PKNOX2: variants seen among roughly 807,000 people sequenced by gnomAD.
PKNOX2 encodes homeobox protein PKNOX2.
In PKNOX2, 14 loss-of-function variants were observed where a neutral mutation model predicts 53.1. The ratio of observed to expected loss-of-function variants is 0.26; its 90% CI spans 0.17 to 0.41. PKNOX2 has a LOEUF of 0.41. PKNOX2 is among the 10% of genes least tolerant of loss of function. The pLI is 1.00. For synonymous variants in PKNOX2, 257 were observed against 242.8 expected (o/e 1.06, Z -0.54); for missense variants, 496 against 602.8 (o/e 0.82, Z 1.85).
intron 1 of PKNOX2, among the ~76,000 whole-genome samples, chr11:125,197,526 G>C (rs1329410070): frequency 6.6e-6 from 1 of 152,148 alleles, no homozygotes; most frequent in Non-Finnish European, 1.5e-5. Flanking sequence ...CTCTGCCCCG[G>C]TCTTCAGTAG....
At position 125,351,329 on chromosome 11, in the gene PKNOX2, C is replaced by G; in HGVS notation, c.24C>G (p.Ala8=). The stretch of plus-strand genomic sequence containing the variant: ...CCATGATGCAACATGCCTCCCCAGC[C>G]CCCGCTCTGACGATGATGGCCACGC... MMQHASP[A]PALTMMATQN... Residue 8 remains alanine, a synonymous_variant, in exon 4 of 13, where the codon GCC becomes GCG. Coordinates refer to ENST00000298282, the MANE Select transcript of PKNOX2 (RefSeq NM_001382323.2). 6.2e-7 allele frequency: 1 copy of G among 1,607,236 alleles called. No homozygotes were observed.
intron 9 of PKNOX2, 105 bp from the exon 10 acceptor site, chr11:125,411,641 C>T (rs753286091): frequency 2.5e-5 from 40 of 1,587,634 alleles, no homozygotes; most frequent in African/African-American, 9.4e-5. Context: ...AGGAATGAGC[C>T]GGGAAAGGGG....
chr11:125,281,060 G>A (rs1462525294), intron 2 of PKNOX2, among the ~76,000 whole-genome samples: 2 of 152,310 alleles, frequency 1.3e-5, no homozygotes, highest in East Asian at 3.9e-4. Context: ...ACACTCCAAA[G>A]ACAATCCAGA....
rs1951359725 is a variant in PKNOX2 at position 125,352,139 on chromosome 11, A to G, written c.87+747A>G. On this transcript the variant is annotated intron_variant, in intron 4 of 12. Transcript: ENST00000298282. The surrounding 1 kb of genome is among the most constrained non-coding windows in gnomAD (Gnocchi z 4.1). ...GGGGCTGCCCTCCTACATCCTTTAG[A>G]CCAGCCGCTTTTCCTTTTTGCTTCC... 6.6e-6 allele frequency among the ~76,000 whole-genome samples: 1 copy of G among 152,104 alleles called. No homozygotes were observed. Among genetic ancestry groups the G allele is most frequent in the African/African-American group, 2.4e-5 (1 of 41,418 alleles).
intron 6 of PKNOX2, among the ~76,000 whole-genome samples, chr11:125,389,196 A>AGAACAAAC (rs144093832): frequency 9.1e-4 from 138 of 151,486 alleles, no homozygotes; most frequent in African/African-American, 3.1e-3. Flanking sequence ...CTCCATTTCA[A>AGAACAAAC]AAACAAACAA....
intron 1 of PKNOX2, among the ~76,000 whole-genome samples, chr11:125,180,941 T>C (rs1956126468): frequency 2.0e-5 from 3 of 152,224 alleles, no homozygotes; most frequent in Admixed American, 2.0e-4. Context: ...CTGCCTAAGG[T>C]GGAGAATGCA....
At chr11:125,372,203 CAGCTCCGATTCGT>C (rs1274543411) in intron 5 of PKNOX2, among the ~76,000 whole-genome samples, 1 of 152,142 alleles carries the variant, frequency 6.6e-6, no homozygotes, top group East Asian at 1.9e-4. Flanking sequence ...GGAAGGGGAG[CAGCTCCGATTCGT>C]AGCATTTGCT....
chr11:125,410,056 C>T, intron 7 of PKNOX2, 140 bp from the exon 8 acceptor site: 7 of 1,176,668 alleles, frequency 5.9e-6, no homozygotes, highest in Non-Finnish European at 8.2e-6. Context: ...AGAGAGTTGC[C>T]TTCTGGACCT....
chr11:125,344,691 G>A (rs1280112423), intron 3 of PKNOX2, among the ~76,000 whole-genome samples: 4 of 152,192 alleles, frequency 2.6e-5, no homozygotes, highest in African/African-American at 7.2e-5. Flanking sequence ...CAAAGCGTCT[G>A]CTTGTCTTGG....
At chr11:125,255,606 C>A (rs1162389672) in intron 2 of PKNOX2, among the ~76,000 whole-genome samples, 1 of 151,966 alleles carries the variant, frequency 6.6e-6, no homozygotes, top group Admixed American at 6.6e-5. Context: ...GGGGATTGGA[C>A]AATCAACTAT....
intron 2 of PKNOX2, among the ~76,000 whole-genome samples, chr11:125,264,561 A>G (rs910757971): frequency 6.6e-6 from 1 of 152,024 alleles, no homozygotes; most frequent in Non-Finnish European, 1.5e-5. Context: ...TGGGAGGCGT[A>G]GAGCATTCTC....
At chr11:125,177,204 G>C (rs926551916) in intron 1 of PKNOX2, among the ~76,000 whole-genome samples, 1 of 152,166 alleles carries the variant, frequency 6.6e-6, no homozygotes, top group Non-Finnish European at 1.5e-5. Context: ...TGAGGACTTG[G>C]TGCAGTGACC....
At chr11:125,307,573 TAAC>T (rs1023614627) in intron 2 of PKNOX2, among the ~76,000 whole-genome samples, 6 of 151,908 alleles carry the variant, frequency 3.9e-5, no homozygotes, top group Non-Finnish European at 8.8e-5. Flanking sequence ...AAACAAACTA[TAAC>T]AACAACAACA....
intron 2 of PKNOX2, among the ~76,000 whole-genome samples, chr11:125,285,193 A>G (rs992256101): frequency 1.3e-5 from 2 of 152,082 alleles, no homozygotes; most frequent in Non-Finnish European, 2.9e-5. Flanking sequence ...GATTTGTCCA[A>G]TATCACAGAG....
At chr11:125,179,592 C>T (rs1394045681) in intron 1 of PKNOX2, among the ~76,000 whole-genome samples, 1 of 151,908 alleles carries the variant, frequency 6.6e-6, no homozygotes, top group African/African-American at 2.4e-5. Context: ...GCGGGTCAGG[C>T]GCGAGTCACT....
intron 1 of PKNOX2, among the ~76,000 whole-genome samples, chr11:125,203,811 C>T (rs1277650884): frequency 1.3e-5 from 2 of 152,104 alleles, no homozygotes; most frequent in African/African-American, 2.4e-5. Context: ...AGAGTGTGTC[C>T]ATGTGTGCCC....
chr11:125,176,070 G>C (rs1050750787), intron 1 of PKNOX2, among the ~76,000 whole-genome samples: 2 of 152,214 alleles, frequency 1.3e-5, no homozygotes, highest in African/African-American at 4.8e-5. Context: ...TGACTTCCTT[G>C]TGGCTGGGGC....
At chr11:125,410,966 A>G (rs1050210459) in intron 9 of PKNOX2, 90 bp downstream of exon 9, 29 of 1,041,390 alleles carry the variant, frequency 2.8e-5, no homozygotes, top group Non-Finnish European at 4.0e-5. Flanking sequence ...TACACGGGTG[A>G]CTCATTGAAT....
chr11:125,420,432 A>G (rs1956114577), intron 10 of PKNOX2, among the ~76,000 whole-genome samples: 1 of 151,720 alleles, frequency 6.6e-6, no homozygotes, highest in African/African-American at 2.4e-5. Flanking sequence ...AGGCTGAGGC[A>G]GGAGAATGGC....
Sources: allele counts gnomAD v4.1 joint callset (sites outside exome capture counted in the v4.1 genomes callset), GRCh38; gene constraint gnomAD v4.1.1; non-coding constraint Gnocchi (gnomAD v3.1); transcripts MANE v1.5; gene names NCBI Gene and HGNC (gene_info 2026-07-23, HGNC 2026-07-21).